SNX25: variants seen among roughly 807,000 people sequenced by gnomAD.
SNX25 encodes sorting nexin 25, also known as sorting nexin-25.
In SNX25, 62 loss-of-function variants were observed where a neutral mutation model predicts 113.7. The ratio of observed to expected loss-of-function variants is 0.55; its 90% confidence interval spans 0.44 to 0.67. The LOEUF is 0.67. SNX25 is among the 30% of genes least tolerant of loss of function. The pLI, the probability that SNX25 is intolerant of heterozygous loss-of-function variation, is 0.00. For synonymous variants in SNX25, 421 were observed against 436.2 expected, an observed-to-expected ratio of 0.97 and a Z score of 0.43; for missense variants, 1,014 against 1,161.0, an observed-to-expected ratio of 0.87 and a Z score of 1.84.
intron 15 of SNX25, among the ~76,000 whole-genome samples, chr4:185,354,870 T>A (rs1286988080): frequency 6.6e-6 from 1 of 152,142 alleles, no homozygotes; most frequent in Non-Finnish European, 1.5e-5. Context: ...CCTGACCACC[T>A]CGAAGAGGAA....
intron 6 of SNX25, among the ~76,000 whole-genome samples, chr4:185,289,444 TG>T (rs1017637149): frequency 3.3e-5 from 5 of 152,180 alleles, no homozygotes; most frequent in African/African-American, 9.6e-5. Flanking sequence ...TCTGGAAGCC[TG>T]GGGGTATCTG....
intron 6 of SNX25, among the ~76,000 whole-genome samples, chr4:185,309,984 C>G (rs551693461): frequency 6.6e-6 from 1 of 152,336 alleles, no homozygotes; most frequent in Admixed American, 6.5e-5. Flanking sequence ...GGCCTTCTTT[C>G]AGTTCCTCGA....
intron 5 of SNX25, among the ~76,000 whole-genome samples, chr4:185,274,707 A>G (rs1560958304): frequency 6.6e-6 from 1 of 152,260 alleles, no homozygotes; most frequent in Non-Finnish European, 1.5e-5. Context: ...TTTCTAAGCT[A>G]CCATGTGCTG....
At chr4:185,254,190 A>G (rs1440903613) in intron 2 of SNX25, among the ~76,000 whole-genome samples, 1 of 152,152 alleles carries the variant, frequency 6.6e-6, no homozygotes, top group African/African-American at 2.4e-5. Flanking sequence ...TGCAATATGT[A>G]TACTTTTTTT....
intron 8 of SNX25, among the ~76,000 whole-genome samples, chr4:185,322,691 G>T (rs1180101871): frequency 6.6e-6 from 1 of 152,136 alleles, no homozygotes; most frequent in African/African-American, 2.4e-5. Flanking sequence ...ACTTCTGGTT[G>T]TTCTCAAAGG....
chr4:185,361,825 A>C, intron 16 of SNX25, 99 bp from the exon 17 acceptor site: 1 of 1,026,854 alleles, frequency 9.7e-7, no homozygotes, highest in Non-Finnish European at 1.4e-6. Context: ...AAACACTTAG[A>C]TCAGGCTGTA....
At chr4:185,240,421 T>A (rs534260221) in intron 1 of SNX25, among the ~76,000 whole-genome samples, 2 of 100,266 alleles carry the variant, frequency 2.0e-5, no homozygotes, top group African/African-American at 8.2e-5. Flanking sequence ...CCCTCCCGGA[T>A]GGGGCGGCTG....
chr4:185,262,009 A>G (rs1490557420), intron 3 of SNX25, among the ~76,000 whole-genome samples: 2 of 152,186 alleles, frequency 1.3e-5, no homozygotes, highest in East Asian at 1.9e-4. Context: ...TTTAATGGCA[A>G]ATATCTGTAT....
chr4:185,266,836 G>T (rs1174244621), intron 4 of SNX25, 133 bp from the exon 5 acceptor site: 2 of 761,982 alleles, frequency 2.6e-6, no homozygotes, highest in Admixed American at 3.2e-5. Context: ...ATTGTTTATT[G>T]TATTATATAG....
chr4:185,314,765 G>A (rs142710094), intron 7 of SNX25, among the ~76,000 whole-genome samples: 2,885 of 148,668 alleles, frequency 0.019, 31 homozygotes, highest in South Asian at 0.032. Context: ...GGCTGCGGCA[G>A]AAGAATCACT....
At chr4:185,231,458 C>G (rs1741850820) in intron 1 of SNX25, among the ~76,000 whole-genome samples, 1 of 151,600 alleles carries the variant, frequency 6.6e-6, no homozygotes. Flanking sequence ...ACCTGTAATC[C>G]CAGCACTTTG....
At chr4:185,219,908 C>CT (rs35064352) in intron 1 of SNX25, among the ~76,000 whole-genome samples, 19,169 of 143,018 alleles carry the variant, frequency 0.13, 1,932 homozygotes, top group African/African-American at 0.28. Context: ...AGTTGTTAAT[C>CT]TTTTTTTTTT....
intron 5 of SNX25, among the ~76,000 whole-genome samples, chr4:185,278,397 G>C (rs1280706437): frequency 6.6e-6 from 1 of 152,204 alleles, no homozygotes; most frequent in Non-Finnish European, 1.5e-5. Context: ...GCATGACCTT[G>C]GGAAAGTCAT....
At chr4:185,233,637 T>C (rs189777043) in intron 1 of SNX25, among the ~76,000 whole-genome samples, 1 of 152,320 alleles carries the variant, frequency 6.6e-6, no homozygotes, top group East Asian at 1.9e-4. Flanking sequence ...TACTTGCCAA[T>C]TTAGTCAAAC....
intron 9 of SNX25, among the ~76,000 whole-genome samples, chr4:185,327,483 T>C (rs1032934025): frequency 2.0e-5 from 3 of 152,208 alleles, no homozygotes; most frequent in South Asian, 2.1e-4. Context: ...AACATCCCTC[T>C]CTTTAAACAA....
chr4:185,222,978 A>G (rs1033638618), intron 1 of SNX25, among the ~76,000 whole-genome samples: 17 of 152,254 alleles, frequency 1.1e-4, no homozygotes, highest in African/African-American at 4.1e-4. Flanking sequence ...GGAAGATGTT[A>G]AGTGGTAGCT....
chr4:185,221,450 A>T (rs983292164), intron 1 of SNX25, among the ~76,000 whole-genome samples: 1 of 152,098 alleles, frequency 6.6e-6, no homozygotes, highest in Non-Finnish European at 1.5e-5. Flanking sequence ...GTTGGATTAC[A>T]GGGGTGCCTG....
intron 12 of SNX25, among the ~76,000 whole-genome samples, chr4:185,344,152 C>T (rs1489056618): frequency 1.3e-5 from 2 of 152,108 alleles, no homozygotes; most frequent in African/African-American, 2.4e-5. Flanking sequence ...ACCTGGGAGG[C>T]GGAGGTTGCA....
chr4:185,270,079 CAAAAA>C (rs35691426), intron 5 of SNX25, among the ~76,000 whole-genome samples: 5 of 123,464 alleles, frequency 4.0e-5, no homozygotes, highest in Non-Finnish European at 6.9e-5. Context: ...AGAAGTAGCT[CAAAAA>C]AAAAAAAAAA....
Sources: allele counts gnomAD v4.1 joint callset (sites outside exome capture counted in the v4.1 genomes callset), GRCh38; gene constraint gnomAD v4.1.1; transcripts MANE v1.5; gene names NCBI Gene and HGNC (gene_info 2026-07-23, HGNC 2026-07-21).